The following C20orf203 variants were observed in gnomAD, a reference collection of about 807,000 sequenced individuals.
The protein encoded by C20orf203 is uncharacterized protein C20orf203.
Under a neutral mutation model 15.9 loss-of-function variants are expected in C20orf203, and 16 were observed. The observed-to-expected ratio is 1.01, with a 90% CI of 0.68 to 1.53. The LOEUF is 1.53. Among genes scored for constraint, C20orf203 ranks in the 40% most tolerant of loss-of-function variants. The probability of loss-of-function intolerance (pLI) is 0.00; values close to 1 mark genes in which losing one functional copy is unlikely to be tolerated. For synonymous variants in C20orf203, 98 were observed against 97.2 expected, an observed-to-expected ratio of 1.01 and a Z score of -0.05; for missense variants, 263 against 247.5, an observed-to-expected ratio of 1.06 and a Z score of -0.42.
chr20:32,635,059 G>T (rs1352662783), intron 5 of C20orf203, among the ~76,000 whole-genome samples: 1 of 152,128 alleles, frequency 6.6e-6, no homozygotes, highest in Non-Finnish European at 1.5e-5. Flanking sequence ...AATTAGCCGG[G>T]CATGGTGGTG....
intron 1 of C20orf203, among the ~76,000 whole-genome samples, chr20:32,652,451 C>T (rs373095583): frequency 2.6e-5 from 4 of 151,212 alleles, no homozygotes; most frequent in African/African-American, 7.3e-5. Context: ...TCTTGGAGCT[C>T]AATTTGCAAG....
intron 4 of C20orf203, among the ~76,000 whole-genome samples, chr20:32,644,065 C>T (rs548901381): frequency 3.9e-5 from 6 of 152,168 alleles, no homozygotes; most frequent in Admixed American, 1.3e-4. Context: ...CTTTCTACCC[C>T]GCACAGCTGC....
At chr20:32,634,729 A>G (rs553967815) in intron 5 of C20orf203, among the ~76,000 whole-genome samples, 25 of 152,282 alleles carry the variant, frequency 1.6e-4, no homozygotes, top group African/African-American at 5.8e-4. Context: ...AAGGCACCAG[A>G]CAATGCATCT....
chr20:32,645,399 A>AG (rs34777987), intron 4 of C20orf203, among the ~76,000 whole-genome samples: 3 of 151,926 alleles, frequency 2.0e-5, no homozygotes, highest in Non-Finnish European at 4.4e-5. Flanking sequence ...TATGGAGGGG[A>AG]GGGGGGCCCA....
intron 4 of C20orf203, among the ~76,000 whole-genome samples, chr20:32,647,856 C>T (rs975570528): frequency 6.6e-6 from 1 of 152,168 alleles, no homozygotes; most frequent in African/African-American, 2.4e-5. Context: ...GCTCCTTCCC[C>T]AGCCTCACCA....
Position 32,651,139 on chromosome 20 carries a change from G to T in C20orf203, c.14C>A (p.Pro5His). 1 of 743,368 alleles carries T rather than the reference G, an allele frequency of 1.3e-6. No individual in the cohort carries two copies. Among genetic ancestry groups the T allele is most frequent in the South Asian group, 2.5e-5 (1 of 40,194 alleles). 46.0% of individuals were successfully genotyped at this position (743,368 alleles called of 1,614,324 possible). A position where few individuals can be genotyped will look rare whatever the true frequency, so the allele number is the denominator to read the frequency against. ...CGCTTGAGCCCGGGAGTTCAAGACA[G>T]GCCTAGGAAACATAGGAGACCCTCT... Reference protein sequence around the residue: MFPRPVLNSRAQAIL... With the variant: MFPRHVLNSRAQAIL... Residue 5 changes from proline (P) to histidine (H), a missense_variant, in exon 3 of 6, where the codon CCT becomes CAT. By Grantham distance (77) the Pro-to-His change is moderately conservative. Transcript: ENST00000608990.
At chr20:32,647,304 A>T (rs919349788) in intron 4 of C20orf203, among the ~76,000 whole-genome samples, 1 of 151,928 alleles carries the variant, frequency 6.6e-6, no homozygotes, top group Non-Finnish European at 1.5e-5. Context: ...CTGTGGCAGG[A>T]GAACTGCTTG....
intron 1 of C20orf203, among the ~76,000 whole-genome samples, chr20:32,660,070 C>T (rs990081768): frequency 3.3e-5 from 5 of 152,126 alleles, no homozygotes; most frequent in African/African-American, 7.2e-5. Context: ...TTATTTCCCC[C>T]CATTTTAAAG....
At chr20:32,673,448 C>T (rs1381127078) in intron 1 of C20orf203, among the ~76,000 whole-genome samples, 184 bp downstream of exon 1, 5 of 152,296 alleles carry the variant, frequency 3.3e-5, no homozygotes, top group East Asian at 1.9e-4. Flanking sequence ...GGAGCCTCAC[C>T]GCAGCCCCGT....
chr20:32,659,681 A>G (rs1234038113), intron 1 of C20orf203, among the ~76,000 whole-genome samples: 2 of 152,126 alleles, frequency 1.3e-5, no homozygotes, highest in Non-Finnish European at 2.9e-5. Flanking sequence ...CATTTCCCAG[A>G]TGAGGACTCT....
At chr20:32,655,994 G>T (rs1043436535) in intron 1 of C20orf203, among the ~76,000 whole-genome samples, 6 of 152,188 alleles carry the variant, frequency 3.9e-5, no homozygotes, top group Non-Finnish European at 8.8e-5. Flanking sequence ...GTTCACAAGA[G>T]AGCTGGTTGT....
At chr20:32,645,347 G>T (rs1271710891) in intron 4 of C20orf203, among the ~76,000 whole-genome samples, 2 of 152,148 alleles carry the variant, frequency 1.3e-5, no homozygotes, top group Non-Finnish European at 2.9e-5. Context: ...ATCCCGCCCG[G>T]CTCACTGACC....
intron 1 of C20orf203, among the ~76,000 whole-genome samples, chr20:32,666,155 T>TAAAAAAAAAAAAAAAAAAAAAAAAAAA (rs147487671): frequency 9.7e-6 from 1 of 102,754 alleles, no homozygotes. Context: ...ATAAATAAAG[T>TAAAAAAAAAAAAAAAAAAAAAAAAAAA]AAAAAAAAAA....
At position 32,651,009 on chromosome 20, in the gene C20orf203, A is replaced by T. The variant is rs770623459; in HGVS notation, c.135+9T>A. On this transcript the variant is annotated intron_variant, in intron 3 of 5. Transcript: ENST00000608990. ...CCCAGGTGTGGGAGACAGGGACAGC[A>T]CTTCTTACCCGGCTCAGCATTCCAG... 1 of 1,478,614 alleles carries T rather than the reference A, an allele frequency of 6.8e-7. No homozygotes were observed. The highest frequency in any genetic ancestry group is 2.5e-5 in the East Asian group (1 of 39,960). The allele number at this position is 1,478,614 out of a possible 1,614,324, so 91.6% of individuals were successfully genotyped here.
intron 4 of C20orf203, among the ~76,000 whole-genome samples, chr20:32,643,855 A>T (rs538604254): frequency 6.6e-6 from 1 of 152,306 alleles, no homozygotes; most frequent in African/African-American, 2.4e-5. Flanking sequence ...AGATGGGAAG[A>T]TTTGCTAAAA....
At position 32,651,913 on chromosome 20, in the gene C20orf203, C is replaced by G. The variant is rs890307680; in HGVS notation, c.-195G>C. The G allele has an allele frequency of 6.6e-6, 1 of 152,112 alleles. No individual in the cohort carries two copies. Among genetic ancestry groups the G allele is most frequent in the African/African-American group, 2.4e-5 (1 of 41,398 alleles). The allele number at this position is 152,112 out of a possible 1,614,324, so 9.4% of individuals were successfully genotyped here. A position where few individuals can be genotyped will look rare whatever the true frequency, so the allele number is the denominator to read the frequency against. On this transcript the variant is annotated 5_prime_UTR_variant, in exon 2 of 6. Coordinates refer to ENST00000608990, the MANE Select transcript of C20orf203 (RefSeq NM_182584.4). ...GTTGAGCATCTACTGGATGCAGGGTCCTGAACAAGACCCCAGGAAGGGACT... is the reference window on the plus strand; with the variant it reads ...GTTGAGCATCTACTGGATGCAGGGTGCTGAACAAGACCCCAGGAAGGGACT...
chr20:32,637,667 A>G (rs565810037), intron 5 of C20orf203, among the ~76,000 whole-genome samples: 101 of 152,266 alleles, frequency 6.6e-4, no homozygotes, highest in African/African-American at 2.3e-3. Flanking sequence ...TCAGCTCCAC[A>G]TGGGCAGGGG....
intron 1 of C20orf203, among the ~76,000 whole-genome samples, chr20:32,659,509 C>T (rs1170926615): frequency 6.6e-6 from 1 of 152,246 alleles, no homozygotes; most frequent in Admixed American, 6.5e-5. Context: ...CTTCATTGTA[C>T]AGATGAGCAA....
chr20:32,662,884 T>TTA (rs1555817789), intron 1 of C20orf203, among the ~76,000 whole-genome samples: 12 of 111,060 alleles, frequency 1.1e-4, no homozygotes, highest in African/African-American at 3.5e-4. Context: ...TCTGTCTCTA[T>TTA]AAAAAAAAAA....
Sources: gnomAD v4.1 joint callset for allele counts (sites outside exome capture counted in the v4.1 genomes callset) on GRCh38, gnomAD v4.1.1 for gene constraint, MANE v1.5 for transcripts, NCBI Gene and HGNC (gene_info 2026-07-23, HGNC 2026-07-21) for gene names.